The following PPP2R2B variants were observed in gnomAD, a reference collection of about 807,000 sequenced individuals.
PPP2R2B encodes protein phosphatase 2 regulatory subunit Bbeta, also known as serine/threonine-protein phosphatase 2A 55 kDa regulatory subunit B beta isoform.
PPP2R2B carries 5 observed loss-of-function variants against 46.0 expected under a neutral mutation model. The observed-to-expected ratio is 0.11, with a 90% CI of 0.06 to 0.23. The LOEUF is 0.23. PPP2R2B is among the 10% of genes least tolerant of loss of function. PPP2R2B has a pLI of 1.00. For synonymous variants in PPP2R2B, 215 were observed against 206.7 expected (o/e 1.04, Z -0.34); for missense variants, 367 against 575.0 (o/e 0.64, Z 3.70).
chr5:146,807,776 CTTTTTTTTTTTTTTTTTTTTTTTT>C (rs10583721), intron 2 of PPP2R2B, among the ~76,000 whole-genome samples: 26 of 36,932 alleles, frequency 7.0e-4, no homozygotes, highest in East Asian at 9.4e-4. Flanking sequence ...GGGGTGCCTT[CTTTTTTTTTTTTTTTTTTTTTTTT>C]TTTTTTTTTT....
chr5:147,046,700 C>T (rs1554088549), intron 1 of PPP2R2B, among the ~76,000 whole-genome samples: 3 of 151,854 alleles, frequency 2.0e-5, no homozygotes, highest in Non-Finnish European at 4.4e-5. Context: ...CAGGAGCCGG[C>T]ATTTTCAACT....
At chr5:147,035,663 T>C (rs1428206697) in intron 1 of PPP2R2B, among the ~76,000 whole-genome samples, 5 of 152,092 alleles carry the variant, frequency 3.3e-5, no homozygotes, top group African/African-American at 4.8e-5. Context: ...CATTTACATC[T>C]GCCAAGGAGT....
chr5:146,633,958 T>C (rs1353754639), intron 7 of PPP2R2B, among the ~76,000 whole-genome samples: 2 of 152,230 alleles, frequency 1.3e-5, no homozygotes, highest in Non-Finnish European at 2.9e-5. Context: ...GCAGTTGCGA[T>C]GCTATATTTG....
chr5:146,991,645 A>T (rs1410263215), intron 1 of PPP2R2B, among the ~76,000 whole-genome samples: 1 of 152,178 alleles, frequency 6.6e-6, no homozygotes, highest in Admixed American at 6.5e-5. Context: ...CACCAACTCA[A>T]TTATTATACC....
chr5:146,943,169 T>A (rs190093916), intron 1 of PPP2R2B, among the ~76,000 whole-genome samples: 2 of 152,280 alleles, frequency 1.3e-5, no homozygotes, highest in East Asian at 3.9e-4. Flanking sequence ...ACACATGTTT[T>A]TAGTACAGGG....
chr5:147,055,243 T>A (rs1485401395), intron 1 of PPP2R2B, among the ~76,000 whole-genome samples: 2 of 152,236 alleles, frequency 1.3e-5, no homozygotes, highest in African/African-American at 4.8e-5. Flanking sequence ...TCTACTTTGC[T>A]AATTGCTTTC....
At chr5:146,998,483 G>A (rs1754019953) in intron 1 of PPP2R2B, among the ~76,000 whole-genome samples, 1 of 152,126 alleles carries the variant, frequency 6.6e-6, no homozygotes, top group Admixed American at 6.5e-5. Context: ...AAATAAGGGG[G>A]CTTTATTGCT....
chr5:146,607,257 T>A (rs1163627099), intron 7 of PPP2R2B: 1 of 152,216 alleles, frequency 6.6e-6, no homozygotes, highest in Non-Finnish European at 1.5e-5. Context: ...CTGGCCTTTA[T>A]CCAGCTGAGG....
intron 1 of PPP2R2B, among the ~76,000 whole-genome samples, chr5:147,003,447 G>A (rs571911665): frequency 6.6e-6 from 1 of 152,284 alleles, no homozygotes; most frequent in Admixed American, 6.5e-5. Context: ...AGATGATCCT[G>A]ATAGGTATAT....
chr5:146,643,623 C>A (rs752744831), intron 6 of PPP2R2B, among the ~76,000 whole-genome samples: 1 of 152,090 alleles, frequency 6.6e-6, no homozygotes, highest in Non-Finnish European at 1.5e-5. Context: ...GGATAAAAGA[C>A]TACAAATTGG....
intron 1 of PPP2R2B, among the ~76,000 whole-genome samples, chr5:146,995,151 A>T (rs1449037716): frequency 1.3e-5 from 2 of 152,242 alleles, no homozygotes; most frequent in East Asian, 3.9e-4. Flanking sequence ...TTCAAGACTT[A>T]CATTATATGT....
intron 2 of PPP2R2B, among the ~76,000 whole-genome samples, chr5:146,804,246 T>C (rs1043766768): frequency 6.6e-6 from 1 of 152,160 alleles, no homozygotes; most frequent in Non-Finnish European, 1.5e-5. Context: ...TAGGCATTGT[T>C]ATAGGCATTT....
At position 146,585,432 on chromosome 5, in the gene PPP2R2B, T is replaced by C. The variant is rs1770103283; in HGVS notation, c.*4515A>G. The stretch of plus-strand genomic sequence containing the variant: ...ATAAAATGAGAACAACAATAGTATC[T>C]GCATCTGGAGTTTTAGGGGTAAATA... On this transcript the variant is annotated 3_prime_UTR_variant, in exon 10 of 10. Transcript: ENST00000394411. The C allele has an allele frequency of 2.0e-5, 3 of 152,218 alleles. No individual in the cohort carries two copies. The highest frequency in any genetic ancestry group is 4.4e-5 in the Non-Finnish European group (3 of 68,034). The allele number at this position is 152,218 out of a possible 1,614,324, so 9.4% of individuals were successfully genotyped here. A position where few individuals can be genotyped will look rare whatever the true frequency, so the allele number is the denominator to read the frequency against.
intron 7 of PPP2R2B, among the ~76,000 whole-genome samples, chr5:146,634,615 G>A (rs574822375): frequency 6.6e-6 from 1 of 152,256 alleles, no homozygotes; most frequent in East Asian, 1.9e-4. Flanking sequence ...GATTACCTGT[G>A]TGAGCCACTG....
At position 146,580,942 on chromosome 5, in the gene PPP2R2B, G is replaced by T. The variant is rs917227288; in HGVS notation, c.*9005C>A. ...CATGCCTGAAATGGTATTTCATTTTGTACTTTGAAAAAATCAGCTTTTTGA... is the reference window on the plus strand; with the variant it reads ...CATGCCTGAAATGGTATTTCATTTTTTACTTTGAAAAAATCAGCTTTTTGA... On this transcript the variant is annotated 3_prime_UTR_variant, in exon 10 of 10. Transcript: ENST00000394411. Among the ~76,000 whole-genome samples the T allele has an allele frequency of 3.3e-5, 5 of 151,924 alleles. No individual in the cohort carries two copies. Among genetic ancestry groups the T allele is most frequent in the African/African-American group, 1.2e-4 (5 of 41,360 alleles).
intron 1 of PPP2R2B, among the ~76,000 whole-genome samples, chr5:147,012,855 A>G (rs1754810152): frequency 1.3e-5 from 2 of 152,038 alleles, no homozygotes; most frequent in Non-Finnish European, 2.9e-5. Context: ...GTCATTCAGG[A>G]GCAGGTTGTT....
chr5:146,979,100 G>A (rs1490161372), intron 1 of PPP2R2B, among the ~76,000 whole-genome samples: 2 of 152,074 alleles, frequency 1.3e-5, no homozygotes, highest in African/African-American at 4.8e-5. Flanking sequence ...AGTAACATTG[G>A]TCTCCTTGCT....
chr5:146,649,530 T>C (rs181805309), intron 6 of PPP2R2B, among the ~76,000 whole-genome samples: 3,451 of 151,988 alleles, frequency 0.023, 60 homozygotes, highest in Non-Finnish European at 0.037. Flanking sequence ...CTGCAACCTC[T>C]GCCTCCTCAG....
rs891348928 is a variant in PPP2R2B at position 146,802,369 on chromosome 5, C to T, written c.70+75633G>A. Among the ~76,000 whole-genome samples, 33 of 152,134 alleles carry T rather than the reference C, an allele frequency of 2.2e-4. 1 individual carries two copies. The highest frequency in any genetic ancestry group is 2.1e-3 in the East Asian group (11 of 5,184). ...TCAACAGGGGGGTGGCAAATGAATA[C>T]CTGAGGGCACTGCCTGGCTTTGGAA... On this transcript the variant is annotated intron_variant, in intron 2 of 9. Transcript: ENST00000394411.
Sources: allele counts gnomAD v4.1 joint callset (sites outside exome capture counted in the v4.1 genomes callset), GRCh38; gene constraint gnomAD v4.1.1; transcripts MANE v1.5; gene names NCBI Gene and HGNC (gene_info 2026-07-23, HGNC 2026-07-21).